SLC7A1: variants seen among roughly 807,000 people sequenced by gnomAD.
The protein encoded by SLC7A1 is solute carrier family 7 member 1, also known as high affinity cationic amino acid transporter 1.
SLC7A1 carries 10 observed loss-of-function variants against 53.9 expected under a neutral mutation model. The observed-to-expected ratio is 0.19, with a 90% CI of 0.11 to 0.31. The LOEUF is 0.31. Ranked by LOEUF, SLC7A1 falls within the 10% of genes least tolerant of loss-of-function variation. SLC7A1 has a pLI of 1.00. For synonymous variants in SLC7A1, 342 were observed against 338.7 expected (o/e 1.01, Z -0.11); for missense variants, 525 against 827.2 (o/e 0.63, Z 4.48).
rs1593541085 is a variant in SLC7A1, at chr13:29,521,838, TCA to T, written c.1189+477_1189+478del. Among the ~76,000 whole-genome samples the T allele has an allele frequency of 2.0e-5, 3 of 152,298 alleles. No individual in the cohort carries two copies. In the East Asian group the frequency reaches 5.8e-4, roughly 29 times the overall value. On this transcript the variant is annotated intron_variant, in intron 8 of 12. Coordinates refer to ENST00000380752, the MANE Select transcript of SLC7A1 (RefSeq NM_003045.5). Reference sequence around the variant, plus strand: ...ATAAACTTAGGGGCAAGTGGCTTCATCAGCAGCACCCTTGATACTCTCTGGGG... The same window carrying T: ...ATAAACTTAGGGGCAAGTGGCTTCATGCAGCACCCTTGATACTCTCTGGGG...
chr13:29,541,453 G>C (rs1338933560), intron 2 of SLC7A1, among the ~76,000 whole-genome samples: 1 of 152,296 alleles, frequency 6.6e-6, no homozygotes, highest in South Asian at 2.1e-4. Context: ...AATCCCAGGT[G>C]AACTGAGTCT....
intron 2 of SLC7A1, among the ~76,000 whole-genome samples, chr13:29,544,689 T>C (rs904785766): frequency 1.3e-5 from 2 of 152,078 alleles, no homozygotes; most frequent in African/African-American, 4.8e-5. Context: ...AAAGGTGCAG[T>C]TGGGGTTCAA....
rs566553375 is a variant in SLC7A1 at position 29,589,378 on chromosome 13, A to T, written c.-115+6038T>A. The stretch of plus-strand genomic sequence containing the variant: ...ATGGTGATAAATCAAACAAGGCTCC[A>T]TTGTGGTCTGGGCAGGAGGCATTGC... On this transcript the variant is annotated intron_variant, in intron 1 of 12. Transcript: ENST00000380752. Among the ~76,000 whole-genome samples, 3 of 152,342 alleles carry T rather than the reference A, an allele frequency of 2.0e-5. No individual in the cohort carries two copies. The South Asian group carries it at 6.2e-4, about 32-fold the overall frequency.
At chr13:29,539,550 A>C (rs1869574169) in intron 2 of SLC7A1, among the ~76,000 whole-genome samples, 1 of 152,172 alleles carries the variant, frequency 6.6e-6, no homozygotes, top group Non-Finnish European at 1.5e-5. Context: ...TTTCTAACAT[A>C]ATGTGAAAAG....
intron 1 of SLC7A1, among the ~76,000 whole-genome samples, chr13:29,591,432 G>A (rs558512695): frequency 3.9e-5 from 6 of 152,262 alleles, no homozygotes; most frequent in Middle Eastern, 3.4e-3. Flanking sequence ...ACCCCACAGC[G>A]TAGAAGCCCC....
intron 2 of SLC7A1, among the ~76,000 whole-genome samples, chr13:29,546,441 T>C (rs1869926253): frequency 6.6e-6 from 1 of 152,234 alleles, no homozygotes; most frequent in Non-Finnish European, 1.5e-5. Context: ...TTAGTTTTCT[T>C]TCCCTCCTTC....
chr13:29,522,607 A>G, intron 7 of SLC7A1, 151 bp from the exon 8 acceptor site: 1 of 705,204 alleles, frequency 1.4e-6, no homozygotes, highest in Admixed American at 2.8e-5. Flanking sequence ...CCTGTGGCTA[A>G]AAGACTTGGC....
chr13:29,536,730 A>G (rs991376261), intron 2 of SLC7A1, among the ~76,000 whole-genome samples: 9 of 152,234 alleles, frequency 5.9e-5, no homozygotes, highest in African/African-American at 1.7e-4. Flanking sequence ...GAGGGTAAGG[A>G]GCAAGTTGTT....
intron 5 of SLC7A1, among the ~76,000 whole-genome samples, chr13:29,525,051 C>T (rs1050975825): frequency 3.3e-5 from 5 of 152,204 alleles, no homozygotes; most frequent in African/African-American, 1.2e-4. Flanking sequence ...CCCTGATGTA[C>T]AAAGCCCTGG....
chr13:29,569,279 C>G (rs899661340), intron 1 of SLC7A1, among the ~76,000 whole-genome samples: 14 of 152,186 alleles, frequency 9.2e-5, no homozygotes, highest in Non-Finnish European at 1.8e-4. Flanking sequence ...TTCACCAAGC[C>G]AGGTGCAGCC....
chr13:29,548,740 G>A (rs181278629), intron 2 of SLC7A1, among the ~76,000 whole-genome samples: 23 of 152,170 alleles, frequency 1.5e-4, no homozygotes, highest in Admixed American at 7.2e-4. Flanking sequence ...ACACCTTTGC[G>A]TAAGCAAATG....
intron 1 of SLC7A1, among the ~76,000 whole-genome samples, chr13:29,580,920 G>A (rs1175551180): frequency 1.3e-5 from 2 of 151,790 alleles, no homozygotes; most frequent in Non-Finnish European, 3.0e-5. Context: ...TAAACTGCAA[G>A]TGCCCTCTAT....
At chr13:29,532,116 C>T (rs999451583) in intron 4 of SLC7A1, among the ~76,000 whole-genome samples, 1 of 152,172 alleles carries the variant, frequency 6.6e-6, no homozygotes, top group Non-Finnish European at 1.5e-5. Flanking sequence ...TAAAATAAGG[C>T]ATGTCATTTT....
intron 2 of SLC7A1, among the ~76,000 whole-genome samples, chr13:29,539,847 T>C (rs1869588739): frequency 6.6e-6 from 1 of 152,202 alleles, no homozygotes; most frequent in Non-Finnish European, 1.5e-5. Flanking sequence ...AGCCAACTGC[T>C]GCTGAGAAGC....
chr13:29,514,410 T>C lies in SLC7A1; in HGVS notation c.*70A>G. 9.1e-7 allele frequency: 1 copy of C among 1,104,864 alleles called. No homozygotes were observed. Among genetic ancestry groups the C allele is most frequent in the Admixed American group, 1.8e-5 (1 of 56,198 alleles). The allele number at this position is 1,104,864 out of a possible 1,614,324, so 68.4% of individuals were successfully genotyped here. The stretch of plus-strand genomic sequence containing the variant: ...GTTTCTGTTGCACTGGTGGGGAGGG[T>C]GGGGTGCCTCCCGGTCCTCTGGGGG... On this transcript the variant is annotated 3_prime_UTR_variant, in exon 13 of 13. Transcript: ENST00000380752.
intron 1 of SLC7A1, among the ~76,000 whole-genome samples, chr13:29,570,820 T>TG (rs1468747528): frequency 6.7e-6 from 1 of 150,044 alleles, no homozygotes; most frequent in East Asian, 2.0e-4. Flanking sequence ...ATCATGCCAC[T>TG]GCACTTGGGT....
Position 29,517,708 on chromosome 13 carries a change from C to A in SLC7A1, c.1375G>T (p.Ala459Ser), listed in dbSNP as rs754639551. 1.2e-6 allele frequency: 2 copies of A among 1,614,184 alleles called. No individual in the cohort carries two copies. Among genetic ancestry groups the A allele is most frequent in the South Asian group, 2.2e-5 (2 of 91,084 alleles). Reference protein sequence around the residue: ...ELDPADQNELASTNDSQLGFL... With the variant: ...ELDPADQNELSSTNDSQLGFL... ...CCCAGCTGGGAATCATTGGTGCTTG[C>A]CAATTCATTTTGGTCTGCTGGATCT... is the stretch of plus-strand genomic sequence containing the variant. The change falls in exon 10 of 13, where the codon GCA becomes TCA. Residue 459 changes from alanine (A) to serine (S), a missense_variant. Coordinates refer to ENST00000380752, the MANE Select transcript of SLC7A1 (RefSeq NM_003045.5).
chr13:29,518,290 A>G (rs1420418780), intron 9 of SLC7A1, among the ~76,000 whole-genome samples: 1 of 152,198 alleles, frequency 6.6e-6, no homozygotes, highest in Non-Finnish European at 1.5e-5. Context: ...AACTCCAAGT[A>G]CCTTAGGGTA....
At chr13:29,515,540 T>C (rs562839987) in intron 12 of SLC7A1, among the ~76,000 whole-genome samples, 1 of 152,266 alleles carries the variant, frequency 6.6e-6, no homozygotes, top group East Asian at 1.9e-4. Context: ...TGAGGGGCAA[T>C]GGCCAGGGCC....
Sources: gnomAD v4.1 joint callset for allele counts (sites outside exome capture counted in the v4.1 genomes callset) on GRCh38, gnomAD v4.1.1 for gene constraint, MANE v1.5 for transcripts, NCBI Gene and HGNC (gene_info 2026-07-23, HGNC 2026-07-21) for gene names.